Variants in UNC13B observed in about 807,000 individuals in gnomAD.
UNC13B encodes protein unc-13 homolog B.
Under a neutral mutation model 211.0 loss-of-function variants are expected in UNC13B, and 144 were observed. That is an observed-to-expected ratio of 0.68 (90% CI 0.60 to 0.78). UNC13B has a LOEUF of 0.78. UNC13B is among the 30% of genes least tolerant of loss of function. The pLI, the probability that UNC13B is intolerant of heterozygous loss-of-function variation, is 0.00. For synonymous variants in UNC13B, 709 were observed against 725.8 expected, an observed-to-expected ratio of 0.98 and a Z score of 0.37; for missense variants, 1,777 against 2,002.0, an observed-to-expected ratio of 0.89 and a Z score of 2.14.
In UNC13B at chr9:35,396,825, C is replaced by T. The variant is rs377069456; in HGVS notation, c.11436-16C>T. On this transcript the variant is annotated splice_polypyrimidine_tract_variant and intron_variant, in intron 27 of 39. Coordinates refer to ENST00000635942, the MANE Select transcript of UNC13B (RefSeq NM_001371189.2). ...ACCGCTAGTTCTAAGCCCCTGTTCT[C>T]CTGCTGTGGCTGCAGGTGGTTTGAG... 1.9e-6 allele frequency: 3 copies of T among 1,613,988 alleles called. No homozygotes were observed. In the African/African-American group the frequency reaches 4.0e-5, roughly 22 times the overall value.
rs76515433 is a variant in UNC13B, at chr9:35,380,996, T to C, written c.10376-104T>C. The C allele has an allele frequency of 6.5e-3, 7,477 of 1,146,098 alleles. 373 individuals carry two copies. In the African/African-American group the frequency reaches 0.1, roughly 16 times the overall value. 71.0% of individuals were successfully genotyped at this position (1,146,098 alleles called of 1,614,324 possible). A position where few individuals can be genotyped will look rare whatever the true frequency, so the allele number is the denominator to read the frequency against. ...GTGAGTCCTTGGGTTGGCCCCTTCT[T>C]TTCCTTGGGTTGGCCCCTTCTCTTC... On this transcript the variant is annotated intron_variant, in intron 18 of 39. Coordinates refer to ENST00000635942, the MANE Select transcript of UNC13B (RefSeq NM_001371189.2).
At chr9:35,191,907 C>T (rs558506755) in intron 1 of UNC13B, among the ~76,000 whole-genome samples, 3 of 152,296 alleles carry the variant, frequency 2.0e-5, no homozygotes, top group South Asian at 4.1e-4. Context: ...TTCCACAGGA[C>T]CATACAGAAA....
At chr9:35,226,916 A>G (rs1333780002) in intron 1 of UNC13B, among the ~76,000 whole-genome samples, 1 of 152,252 alleles carries the variant, frequency 6.6e-6, no homozygotes, top group Middle Eastern at 3.2e-3. Context: ...GTCACATTAC[A>G]GAACCATTAT....
chr9:35,301,485 A>G lies in UNC13B; in HGVS notation c.2081A>G (p.Lys694Arg), dbSNP rs1467900061. Reference sequence around the variant, plus strand: ...GTTGAGTGTGGTTTGGAGTTAAATAAAAGGGAAGGCACTCTTGACAATTAC... The same window carrying G: ...GTTGAGTGTGGTTTGGAGTTAAATAGAAGGGAAGGCACTCTTGACAATTAC... ...SFVECGLELN[K>R]REGTLDNYSS... Residue 694 changes from lysine (K) to arginine (R), a missense_variant, in exon 9 of 40, where the codon AAA becomes AGA. Lys to Arg is a conservative substitution (Grantham distance 26, BLOSUM62 2). Transcript: ENST00000635942. The G allele has an allele frequency of 1.5e-5, 6 of 398,708 alleles. No homozygotes were observed. Among genetic ancestry groups the G allele is most frequent in the Admixed American group, 4.4e-5 (1 of 22,696 alleles). The allele number at this position is 398,708 out of a possible 1,614,324, so 24.7% of individuals were successfully genotyped here.
At chr9:35,207,414 C>A (rs1252079445) in intron 1 of UNC13B, among the ~76,000 whole-genome samples, 1 of 151,922 alleles carries the variant, frequency 6.6e-6, no homozygotes, top group Non-Finnish European at 1.5e-5. Flanking sequence ...TGTGCACCAC[C>A]ACCACGCTTG....
At chr9:35,352,859 T>G in intron 11 of UNC13B, 1 of 1,232,158 alleles carries the variant, frequency 8.1e-7, no homozygotes, top group East Asian at 3.2e-5. Context: ...GTCCCAGTTT[T>G]TCAAACAGTA....
At chr9:35,364,453 G>T (rs1054225653) in intron 11 of UNC13B, 1 of 1,393,602 alleles carries the variant, frequency 7.2e-7, no homozygotes, top group African/African-American at 1.4e-5. Context: ...ATGTCCCTTG[G>T]AGTTTAGCTG....
chr9:35,376,029 A>T lies in UNC13B; in HGVS notation c.9617A>T (p.Lys3206Ile), dbSNP rs1186723563. Residue 3206 changes from lysine (K) to isoleucine (I), a missense_variant and splice_region_variant, in exon 15 of 40, where the codon AAA becomes ATA. Lys to Ile is a moderately radical substitution (Grantham distance 102). Transcript: ENST00000635942. ...TRTSLKDEEL[K>I]SHVYKKTLQA... ...TGGGATGGGGTATGTGTCTTTCAGAAATCCCACGTGTATAAGAAAACCCTG... is the reference window on the plus strand; with the variant it reads ...TGGGATGGGGTATGTGTCTTTCAGATATCCCACGTGTATAAGAAAACCCTG... 1.2e-6 allele frequency: 2 copies of T among 1,614,168 alleles called. No individual in the cohort carries two copies. The highest frequency in any genetic ancestry group is 2.2e-5 in the South Asian group (2 of 91,084).
At chr9:35,401,774 C>T (rs1836315066) in intron 37 of UNC13B, among the ~76,000 whole-genome samples, 3 of 152,336 alleles carry the variant, frequency 2.0e-5, no homozygotes, top group African/African-American at 7.2e-5. Context: ...TAATTTGGAG[C>T]ATTCACACAC....
rs1162015795 is a variant in UNC13B at position 35,301,316 on chromosome 9, A to G, written c.1912A>G (p.Ile638Val). 1 of 398,700 alleles carries G rather than the reference A, an allele frequency of 2.5e-6. No homozygotes were observed. Among genetic ancestry groups the G allele is most frequent in the Non-Finnish European group, 4.4e-6 (1 of 225,956 alleles). 24.7% of individuals were successfully genotyped at this position (398,700 alleles called of 1,614,324 possible). Reference protein sequence around the residue: ...SLYFQNTTESIAKDLAPQSQS... With the variant: ...SLYFQNTTESVAKDLAPQSQS... ...ATACTTTCAGAATACAACAGAAAGT[A>G]TTGCAAAGGACTTGGCTCCACAGAG... Residue 638 changes from isoleucine (I) to valine (V), a missense_variant, in exon 9 of 40, where the codon ATT (isoleucine) becomes GTT (valine). Transcript: ENST00000635942.
chr9:35,262,647 C>A (rs1253971676), intron 7 of UNC13B, among the ~76,000 whole-genome samples: 1 of 152,074 alleles, frequency 6.6e-6, no homozygotes. Flanking sequence ...AAAAAAAAAT[C>A]TGGCCACGCA....
At chr9:35,191,215 G>A (rs978577969) in intron 1 of UNC13B, among the ~76,000 whole-genome samples, 1 of 152,162 alleles carries the variant, frequency 6.6e-6, no homozygotes, top group African/African-American at 2.4e-5. Context: ...GCCTCCCAAA[G>A]TGCAGGGATT....
intron 1 of UNC13B, among the ~76,000 whole-genome samples, chr9:35,208,854 A>G (rs1823809474): frequency 1.3e-5 from 2 of 152,088 alleles, no homozygotes; most frequent in African/African-American, 4.8e-5. Flanking sequence ...AGTTTCAAGG[A>G]ATATTTTTGT....
At chr9:35,363,930 C>G (rs2132139526) in intron 11 of UNC13B, among the ~76,000 whole-genome samples, 1 of 152,278 alleles carries the variant, frequency 6.6e-6, no homozygotes, top group South Asian at 2.1e-4. Flanking sequence ...CCAGTCGATG[C>G]CCCCAGGCCT....
At position 35,306,865 on chromosome 9, in the gene UNC13B, A is replaced by G. The variant is rs1392352328; in HGVS notation, c.7461A>G (p.Lys2487=). The change falls in exon 9 of 40, where the codon AAA becomes AAG. Residue 2487 remains lysine (K), a synonymous_variant. Transcript: ENST00000635942. The part of the protein sequence containing the change: ...KTLSGLFSSP[K]SPKKNSFFSL... The stretch of plus-strand genomic sequence containing the variant: ...TCTCTGGACTTTTCTCCTCTCCTAA[A>G]TCTCCAAAGAAAAACTCCTTTTTCT... 2 of 398,936 alleles carry G rather than the reference A, an allele frequency of 5.0e-6. No homozygotes were observed. Among genetic ancestry groups the G allele is most frequent in the Admixed American group, 4.4e-5 (1 of 22,718 alleles). The allele number at this position is 398,936 out of a possible 1,614,324, so 24.7% of individuals were successfully genotyped here.
intron 1 of UNC13B, among the ~76,000 whole-genome samples, chr9:35,221,312 C>T (rs969674346): frequency 2.6e-5 from 4 of 152,126 alleles, no homozygotes; most frequent in African/African-American, 7.2e-5. Context: ...TCAAGCAATC[C>T]ACCTTCCTTG....
At chr9:35,197,642 G>C (rs550052915) in intron 1 of UNC13B, among the ~76,000 whole-genome samples, 146 of 152,198 alleles carry the variant, frequency 9.6e-4, no homozygotes, top group Non-Finnish European at 1.7e-3. Flanking sequence ...CCTAACGTTG[G>C]AGGAGGGGCC....
Position 35,276,360 on chromosome 9 carries a change from G to A in UNC13B, c.526+17310G>A, listed in dbSNP as rs542669582. ...ATAGATGGTTTATTTTATTTTCCCT[G>A]TTGCTTTCCATAGCAAAGATCTGTT... On this transcript the variant is annotated intron_variant, in intron 7 of 39. Transcript: ENST00000635942. 4.0e-5 allele frequency among the ~76,000 whole-genome samples: 6 copies of A among 149,204 alleles called. No homozygotes were observed. In the South Asian group the frequency reaches 1.3e-3, roughly 32 times the overall value.
intron 11 of UNC13B, among the ~76,000 whole-genome samples, chr9:35,336,941 C>T (rs1831696155): frequency 1.3e-5 from 2 of 152,168 alleles, no homozygotes; most frequent in Non-Finnish European, 2.9e-5. Flanking sequence ...TGGCACTCTA[C>T]ATAGGGCCAT....
Sources: allele counts gnomAD v4.1 joint callset (sites outside exome capture counted in the v4.1 genomes callset), GRCh38; gene constraint gnomAD v4.1.1; transcripts MANE v1.5; gene names NCBI Gene and HGNC (gene_info 2026-07-23, HGNC 2026-07-21).